The following AFG2B variants were observed in gnomAD, a reference collection of about 807,000 sequenced individuals.
The protein encoded by AFG2B is ATPase family gene 2 protein homolog B.
chr15:45,420,701 AAAAG>A, the AFG2B span, among the ~76,000 whole-genome samples: 1 of 152,056 alleles, frequency 6.6e-6, no homozygotes, highest in Non-Finnish European at 1.5e-5. Context: ...TGTTAAAAAA[AAAAG>A]AAAAGAAGCC....
chr15:45,407,941 A>G, the AFG2B span, among the ~76,000 whole-genome samples: 4 of 152,382 alleles, frequency 2.6e-5, no homozygotes, highest in East Asian at 5.8e-4. Context: ...TTCTCTAGGC[A>G]TAACATAAAC....
At chr15:45,415,988 AT>A in the AFG2B span, 1 of 398,606 alleles carries the variant, frequency 2.5e-6, no homozygotes, top group Non-Finnish European at 4.4e-6. Flanking sequence ...GGTGAGGTAC[AT>A]TTTATAATAA....
the AFG2B span, chr15:45,407,231 C>T: frequency 8.4e-7 from 1 of 1,196,826 alleles, no homozygotes; most frequent in Non-Finnish European, 1.1e-6. Flanking sequence ...AAGGTACTGG[C>T]TCCATCTTTT....
the AFG2B span, among the ~76,000 whole-genome samples, chr15:45,415,177 G>A: frequency 1.3e-5 from 2 of 151,978 alleles, no homozygotes. Flanking sequence ...TAGACATTCA[G>A]AATCTTTTTT....
the AFG2B span, chr15:45,407,122 G>A: frequency 7.8e-7 from 1 of 1,289,084 alleles, no homozygotes. Context: ...GGAGGGGCCT[G>A]CTCAGGTGTA....
At chr15:45,403,177 C>T in the AFG2B span, 1 of 1,457,468 alleles carries the variant, frequency 6.9e-7, no homozygotes, top group Non-Finnish European at 9.0e-7. Context: ...CAAGACCCAG[C>T]TGGTGCGGGC....
the AFG2B span, chr15:45,410,319 A>G: frequency 1.3e-6 from 2 of 1,586,266 alleles, no homozygotes; most frequent in South Asian, 2.3e-5. Context: ...GCTATAAAAA[A>G]AGACCAACCT....
the AFG2B span, among the ~76,000 whole-genome samples, chr15:45,404,161 T>C: frequency 1.3e-5 from 2 of 152,206 alleles, no homozygotes; most frequent in African/African-American, 4.8e-5. Context: ...ATTTAGTGAC[T>C]GATATTTCTA....
the AFG2B span, among the ~76,000 whole-genome samples, chr15:45,405,962 T>TAC: frequency 1.3e-5 from 2 of 152,108 alleles, no homozygotes; most frequent in African/African-American, 4.8e-5. Flanking sequence ...CTTATATATA[T>TAC]ACATATATAT....
chr15:45,404,512 ATAT>A, the AFG2B span, among the ~76,000 whole-genome samples: 7 of 152,310 alleles, frequency 4.6e-5, no homozygotes, highest in South Asian at 2.1e-4. Context: ...GATAAAAAAC[ATAT>A]TATTATTTTG....
the AFG2B span, among the ~76,000 whole-genome samples, chr15:45,418,283 G>A: frequency 1.5e-4 from 23 of 148,422 alleles, no homozygotes; most frequent in Non-Finnish European, 3.0e-4. Context: ...GGTGGAGGTT[G>A]TAGTGAGCCA....
At chr15:45,409,253 A>G in the AFG2B span, among the ~76,000 whole-genome samples, 2 of 151,644 alleles carry the variant, frequency 1.3e-5, no homozygotes, top group South Asian at 4.2e-4. Context: ...GCTCATGCCT[A>G]TAAATCCCAG....
chr15:45,406,912 T>C, the AFG2B span: 2 of 858,774 alleles, frequency 2.3e-6, no homozygotes, highest in South Asian at 2.8e-5. Flanking sequence ...CCAAAACTAC[T>C]TGAAGTTTTA....
At chr15:45,414,747 G>T in the AFG2B span, 1 of 1,614,068 alleles carries the variant, frequency 6.2e-7, no homozygotes, top group Non-Finnish European at 8.5e-7. Flanking sequence ...TGTTTTCACC[G>T]TTTGTTGGAG....
At chr15:45,419,049 G>A in the AFG2B span, among the ~76,000 whole-genome samples, 1 of 152,222 alleles carries the variant, frequency 6.6e-6, no homozygotes, top group Non-Finnish European at 1.5e-5. Context: ...GCTAAGAAGG[G>A]AAGGGGGAAT....
At chr15:45,407,566 A>G in the AFG2B span, among the ~76,000 whole-genome samples, 1 of 152,192 alleles carries the variant, frequency 6.6e-6, no homozygotes, top group African/African-American at 2.4e-5. Flanking sequence ...AGTATATAAT[A>G]GGGTTATTCA....
At chr15:45,407,319 T>C in the AFG2B span, 1 of 965,840 alleles carries the variant, frequency 1.0e-6, no homozygotes, top group Non-Finnish European at 1.3e-6. Flanking sequence ...TTACACTTTG[T>C]TAAACTTTTT....
At chr15:45,403,229 C>T in the AFG2B span, 171 of 1,524,448 alleles carry the variant, frequency 1.1e-4, no homozygotes, top group African/African-American at 2.2e-3. Flanking sequence ...GCAGTCAGCG[C>T]CCCGGCGCTG....
chr15:45,409,068 G>A, the AFG2B span, among the ~76,000 whole-genome samples: 1 of 151,960 alleles, frequency 6.6e-6, no homozygotes, highest in African/African-American at 2.4e-5. Flanking sequence ...CTGTCATATT[G>A]GCAGACATTT....
Sources: gnomAD v4.1 joint callset for allele counts (sites outside exome capture counted in the v4.1 genomes callset) on GRCh38, gnomAD v4.1.1 for gene constraint, MANE v1.5 for transcripts, NCBI Gene and HGNC (gene_info 2026-07-23, HGNC 2026-07-21) for gene names.